Variants in CYP51A1 observed in about 807,000 individuals in gnomAD.
CYP51A1 encodes the protein cytochrome P450 family 51 subfamily A member 1.
A neutral mutation model predicts 53.5 loss-of-function variants in CYP51A1; 45 were observed. That is an observed-to-expected ratio of 0.84 (90% CI 0.66 to 1.08). The LOEUF (loss-of-function observed/expected upper bound fraction) is 1.08, where lower values mean the gene tolerates loss of function less well. Among genes scored for constraint, CYP51A1 ranks in the 50% least tolerant of loss-of-function variants. The pLI is 0.00. For synonymous variants in CYP51A1, 181 were observed against 217.7 expected (o/e 0.83, Z 1.48); for missense variants, 462 against 621.7 (o/e 0.74, Z 2.73).
In CYP51A1 at chr7:92,113,509, ATTCAG is replaced by A. The variant is rs1463607425; in HGVS notation, c.*151_*155del. 2 of 638,434 alleles carry A rather than the reference ATTCAG, an allele frequency of 3.1e-6. No individual in the cohort carries two copies. The highest frequency in any genetic ancestry group is 5.4e-6 in the Non-Finnish European group (2 of 373,694). 39.5% of individuals were successfully genotyped at this position (638,434 alleles called of 1,614,324 possible). A position where few individuals can be genotyped will look rare whatever the true frequency, so the allele number is the denominator to read the frequency against. The stretch of plus-strand genomic sequence containing the variant: ...AAATGCTATTATATTTGATAGAACC[ATTCAG>A]TTAACAAAATCCTAAATCATAAACT... On this transcript the variant is annotated 3_prime_UTR_variant, in exon 10 of 10. Coordinates refer to ENST00000003100, the MANE Select transcript of CYP51A1 (RefSeq NM_000786.4).
chr7:92,120,617 C>T (rs1037768255), intron 7 of CYP51A1, among the ~76,000 whole-genome samples: 8 of 151,980 alleles, frequency 5.3e-5, no homozygotes, highest in Admixed American at 2.6e-4. Context: ...GACAATTCAA[C>T]GTGGAAAAAA....
rs1330319653 is a variant in CYP51A1, at chr7:92,127,730, G to A, written c.469-99C>T. The A allele has an allele frequency of 4.9e-6, 6 of 1,226,390 alleles. No homozygotes were observed. The Admixed American group carries it at 7.9e-5, about 16-fold the overall frequency. The allele number at this position is 1,226,390 out of a possible 1,614,324, so 76.0% of individuals were successfully genotyped here. ...TTATAATTATGTAACACTAACACAA[G>A]TAATGGTTTTAACCCTTTGGGCATT... On this transcript the variant is annotated intron_variant, in intron 3 of 9. Coordinates refer to ENST00000003100, the MANE Select transcript of CYP51A1 (RefSeq NM_000786.4).
In CYP51A1 at chr7:92,127,571, G is replaced by A; in HGVS notation, c.529C>T (p.His177Tyr). ...GTTTCTTTTTCAATTATAGAAACAT[G>A]CTGTTTAAAGTGGGCTATGTTAAGG... ...SGLNIAHFKQHVSIIEKETKE... is the reference protein window; with the variant it reads ...SGLNIAHFKQYVSIIEKETKE... Residue 177 changes from histidine to tyrosine, a missense_variant, in exon 4 of 10, where the codon CAT becomes TAT. Coordinates refer to ENST00000003100, the MANE Select transcript of CYP51A1 (RefSeq NM_000786.4). 1.2e-6 allele frequency: 2 copies of A among 1,611,634 alleles called. No individual in the cohort carries two copies. Among genetic ancestry groups the A allele is most frequent in the South Asian group, 1.1e-5 (1 of 90,668 alleles).
chr7:92,132,995 T>C (rs1819955209), intron 1 of CYP51A1, among the ~76,000 whole-genome samples: 1 of 152,194 alleles, frequency 6.6e-6, no homozygotes, highest in Non-Finnish European at 1.5e-5. Context: ...TAAAAGTAAC[T>C]TTGTCTTCCC....
chr7:92,119,225 A>G (rs1819637563), intron 7 of CYP51A1, among the ~76,000 whole-genome samples: 1 of 152,190 alleles, frequency 6.6e-6, no homozygotes, highest in South Asian at 2.1e-4. Flanking sequence ...TTAAAAGGGA[A>G]AACTGGGGAG....
intron 7 of CYP51A1, among the ~76,000 whole-genome samples, chr7:92,118,917 A>G (rs998959350): frequency 6.6e-6 from 1 of 152,264 alleles, no homozygotes; most frequent in African/African-American, 2.4e-5. Flanking sequence ...TGGAAGATTA[A>G]CCAAAGGCTT....
chr7:92,131,764 G>C lies in CYP51A1; in HGVS notation c.291+10C>G. 1 of 1,302,436 alleles carries C rather than the reference G, an allele frequency of 7.7e-7. No homozygotes were observed. Among genetic ancestry groups the C allele is most frequent in the East Asian group, 2.4e-5 (1 of 41,774 alleles). The allele number at this position is 1,302,436 out of a possible 1,614,324, so 80.7% of individuals were successfully genotyped here. ...TTTTTTTTTTTCCTCTAATTATTTG[G>C]AAGACTTACCTTCTCATATGCATTT... On this transcript the variant is annotated intron_variant, in intron 2 of 9. Coordinates refer to ENST00000003100, the MANE Select transcript of CYP51A1 (RefSeq NM_000786.4).
At chr7:92,122,390 C>T (rs192340939) in intron 7 of CYP51A1, among the ~76,000 whole-genome samples, 141 of 151,832 alleles carry the variant, frequency 9.3e-4, no homozygotes, top group African/African-American at 3.2e-3. Flanking sequence ...CAGTCAAAGA[C>T]ATCACAGTGA....
chr7:92,134,367 A>C lies in CYP51A1; in HGVS notation c.-3T>G. On this transcript the variant is annotated 5_prime_UTR_variant, in exon 1 of 10. Transcript: ENST00000003100. ...AGCATCCCAGCCGCCGCCGCCATTC[A>C]CTCCGTCGGAAACACTGAAGGCCGA... The C allele has an allele frequency of 4.5e-6, 7 of 1,572,508 alleles. No individual in the cohort carries two copies. Among genetic ancestry groups the C allele is most frequent in the Non-Finnish European group, 6.1e-6 (7 of 1,154,930 alleles).
chr7:92,127,657 A>G (rs1327722516), intron 3 of CYP51A1, 26 bp from the exon 4 acceptor site: 1 of 1,611,988 alleles, frequency 6.2e-7, no homozygotes, highest in Non-Finnish European at 8.5e-7. Context: ...AAACGGGGAT[A>G]CGGCATTAAA....
At chr7:92,125,179 T>C (rs1454508816) in intron 5 of CYP51A1, among the ~76,000 whole-genome samples, 5 of 150,976 alleles carry the variant, frequency 3.3e-5, no homozygotes, top group Non-Finnish European at 5.9e-5. Context: ...TGCACATTTA[T>C]GGAGAACCCA....
intron 2 of CYP51A1, among the ~76,000 whole-genome samples, chr7:92,129,910 A>G (rs1819883772): frequency 6.6e-6 from 1 of 152,182 alleles, no homozygotes; most frequent in Non-Finnish European, 1.5e-5. Context: ...CCTAAAAGTA[A>G]GAGAAAGAGA....
chr7:92,115,113 T>C (rs1819557632), intron 9 of CYP51A1, among the ~76,000 whole-genome samples: 1 of 152,122 alleles, frequency 6.6e-6, no homozygotes, highest in East Asian at 1.9e-4. Context: ...ATTCACAAAA[T>C]GTAATATTAT....
At chr7:92,124,731 G>A (rs180922469) in intron 5 of CYP51A1, among the ~76,000 whole-genome samples, 102 of 152,288 alleles carry the variant, frequency 6.7e-4, no homozygotes, top group African/African-American at 2.3e-3. Flanking sequence ...TGAATAATCT[G>A]GTTAAATTAG....
chr7:92,129,472 G>A (rs1404755202), intron 2 of CYP51A1, among the ~76,000 whole-genome samples: 1 of 152,098 alleles, frequency 6.6e-6, no homozygotes, highest in Non-Finnish European at 1.5e-5. Context: ...AATTTTACAA[G>A]ACTAGCCAAA....
chr7:92,114,032 G>A (rs1024234121), intron 9 of CYP51A1, among the ~76,000 whole-genome samples, 189 bp from the exon 10 acceptor site: 40 of 152,028 alleles, frequency 2.6e-4, no homozygotes, highest in Non-Finnish European at 7.4e-5. Context: ...CCACATTTTA[G>A]GAAAACAGTA....
At chr7:92,118,226 T>C (rs1382864857) in intron 8 of CYP51A1, among the ~76,000 whole-genome samples, 1 of 152,074 alleles carries the variant, frequency 6.6e-6, no homozygotes, top group Non-Finnish European at 1.5e-5. Context: ...TGATCATGGA[T>C]TACTGCAGTT....
intron 8 of CYP51A1, 111 bp downstream of exon 8, chr7:92,118,409 C>T: frequency 1.4e-6 from 1 of 728,336 alleles, no homozygotes; most frequent in Non-Finnish European, 2.5e-6. Context: ...ATCCTCCCAC[C>T]TCAGCCTCCC....
chr7:92,123,964 A>C (rs957757053), intron 5 of CYP51A1, 111 bp from the exon 6 acceptor site: 2 of 792,992 alleles, frequency 2.5e-6, no homozygotes, highest in Non-Finnish European at 3.8e-6. Flanking sequence ...AACCAACTTT[A>C]ATGACTCTAA....
Sources: allele counts gnomAD v4.1 joint callset (sites outside exome capture counted in the v4.1 genomes callset), GRCh38; gene constraint gnomAD v4.1.1; transcripts MANE v1.5; gene names NCBI Gene and HGNC (gene_info 2026-07-23, HGNC 2026-07-21).